Variants in CXCL8 observed in about 807,000 individuals in gnomAD.
CXCL8 encodes the protein interleukin-8.
A neutral mutation model predicts 10.9 loss-of-function variants in CXCL8; 12 were observed. That is an observed-to-expected ratio of 1.10 (90% CI 0.71 to 1.79). The LOEUF is 1.79. CXCL8 is among the 40% of genes most tolerant of loss of function. The pLI, the probability that CXCL8 is intolerant of heterozygous loss-of-function variation, is 0.00. For missense variants in CXCL8, 145 were observed against 113.4 expected, an observed-to-expected ratio of 1.28 and a Z score of -1.26; for synonymous variants, 41 against 39.6, an observed-to-expected ratio of 1.03 and a Z score of -0.13.
Position 73,743,327 on chromosome 4 carries a change from A to T in CXCL8, c.*863A>T. 4.7e-6 allele frequency: 1 copy of T among 214,920 alleles called. No individual in the cohort carries two copies. The highest frequency in any genetic ancestry group is 1.5e-3 in the Middle Eastern group (1 of 666). 13.3% of individuals were successfully genotyped at this position (214,920 alleles called of 1,614,324 possible). On this transcript the variant is annotated 3_prime_UTR_variant, in exon 4 of 4. Transcript: ENST00000307407. ...ACCCAGTTAAATTTTCATTTCAGAT[A>T]AACAACAAATAATTTTTTAGTATAA...
chr4:73,742,651 A>G lies in CXCL8; in HGVS notation c.*187A>G. On this transcript the variant is annotated 3_prime_UTR_variant, in exon 4 of 4. Transcript: ENST00000307407. ...TTTTTCATTGTACCATGAAATATCC[A>G]GAACATACTTATATGTAAAGTATTA... The G allele has an allele frequency of 2.4e-6, 1 of 423,086 alleles. No homozygotes were observed. Among genetic ancestry groups the G allele is most frequent in the East Asian group, 3.6e-5 (1 of 27,828 alleles). 26.2% of individuals were successfully genotyped at this position (423,086 alleles called of 1,614,324 possible).
rs1729142040 is a variant in CXCL8 at position 73,740,581 on chromosome 4, A to G, written c.-78A>G. On this transcript the variant is annotated 5_prime_UTR_variant, in exon 1 of 4. Transcript: ENST00000307407. Reference sequence around the variant, plus strand: ...CACTCCATAAGGCACAAACTTTCAGAGACAGCAGAGCACACAAGCTTCTAG... The same window carrying G: ...CACTCCATAAGGCACAAACTTTCAGGGACAGCAGAGCACACAAGCTTCTAG... The G allele has an allele frequency of 1.5e-6, 2 of 1,327,176 alleles. No homozygotes were observed. Among genetic ancestry groups the G allele is most frequent in the South Asian group, 1.2e-5 (1 of 81,462 alleles). 82.2% of individuals were successfully genotyped at this position (1,327,176 alleles called of 1,614,324 possible).
rs2227545 is a variant in CXCL8, at chr4:73,743,010, A to C, written c.*546A>C. 0.021 allele frequency: 4,854 copies of C among 230,668 alleles called. 154 individuals carry two copies. Among genetic ancestry groups the C allele is most frequent in the African/African-American group, 0.08 (3,614 of 45,326 alleles). 14.3% of individuals were successfully genotyped at this position (230,668 alleles called of 1,614,324 possible). On this transcript the variant is annotated 3_prime_UTR_variant, in exon 4 of 4. Coordinates refer to ENST00000307407, the MANE Select transcript of CXCL8 (RefSeq NM_000584.4). ...TCCTTTATTTCTAAGTGGAAAAAGT[A>C]TTAGCCACCATCTTACCTCACAGTG...
At chr4:73,741,815 T>A in intron 2 of CXCL8, 134 bp from the exon 3 acceptor site, 1 of 1,067,770 alleles carries the variant, frequency 9.4e-7, no homozygotes, top group Non-Finnish European at 1.4e-6. Context: ...TTTGTCTACA[T>A]GACATTTAAA....
In CXCL8 at chr4:73,743,447, T is replaced by C; in HGVS notation, c.*983T>C. 4.9e-6 allele frequency: 1 copy of C among 204,242 alleles called. No homozygotes were observed. Among genetic ancestry groups the C allele is most frequent in the East Asian group, 7.8e-5 (1 of 12,836 alleles). The allele number at this position is 204,242 out of a possible 1,614,324, so 12.7% of individuals were successfully genotyped here. On this transcript the variant is annotated 3_prime_UTR_variant, in exon 4 of 4. Transcript: ENST00000307407. ...TGCCAGCTGTGTTGGTAGTGCTGTG[T>C]TGAATTACGGAATAATGAGTTAGAA...
rs562011799 is a variant in CXCL8 at position 73,740,847 on chromosome 4, C to T, written c.64+125C>T. The stretch of plus-strand genomic sequence containing the variant: ...ATTCAGAAACAGAATATAATCTTAG[C>T]AGTCAATTAATGTTAAATTGAAGAT... On this transcript the variant is annotated intron_variant, in intron 1 of 3. Coordinates refer to ENST00000307407, the MANE Select transcript of CXCL8 (RefSeq NM_000584.4). 8.1e-6 allele frequency: 6 copies of T among 740,898 alleles called. No homozygotes were observed. In the African/African-American group the frequency reaches 9.1e-5, roughly 11 times the overall value. The allele number at this position is 740,898 out of a possible 1,614,324, so 45.9% of individuals were successfully genotyped here. A position where few individuals can be genotyped will look rare whatever the true frequency, so the allele number is the denominator to read the frequency against.
intron 2 of CXCL8, 65 bp downstream of exon 2, chr4:73,741,742 T>C: frequency 6.8e-7 from 1 of 1,468,960 alleles, no homozygotes; most frequent in Non-Finnish European, 9.4e-7. Flanking sequence ...AAGGTGGAAA[T>C]ATTTAGGAAA....
chr4:73,742,189 T>C (rs1203778111), intron 3 of CXCL8, 157 bp downstream of exon 3: 25 of 597,918 alleles, frequency 4.2e-5, no homozygotes, highest in Non-Finnish European at 5.9e-5. Context: ...GAGTTTGTTG[T>C]ACTCATGACC....
At chr4:73,742,098 T>A in intron 3 of CXCL8, 66 bp downstream of exon 3, 1 of 979,038 alleles carries the variant, frequency 1.0e-6, no homozygotes, top group Admixed American at 2.7e-5. Context: ...AAAGTCAGCC[T>A]ATAAATTTCT....
At position 73,741,560 on chromosome 4, in the gene CXCL8, G is replaced by A; in HGVS notation, c.83G>A (p.Ser28Asn). The A allele has an allele frequency of 6.2e-7, 1 of 1,613,328 alleles. No homozygotes were observed. Among genetic ancestry groups the A allele is most frequent in the Admixed American group, 1.7e-5 (1 of 59,846 alleles). Residue 28 changes from serine to asparagine, a missense_variant, in exon 2 of 4, where the codon AGT becomes AAT. Coordinates refer to ENST00000307407, the MANE Select transcript of CXCL8 (RefSeq NM_000584.4). ...CCAACAGGTGCAGTTTTGCCAAGGA[G>A]TGCTAAAGAACTTAGATGTCAGTGC... is the stretch of plus-strand genomic sequence containing the variant. ...ALCEGAVLPR[S>N]AKELRCQCIK... is the part of the protein sequence containing the mutation.
At position 73,742,699 on chromosome 4, in the gene CXCL8, A is replaced by T. The variant is rs201232993; in HGVS notation, c.*235A>T. On this transcript the variant is annotated 3_prime_UTR_variant, in exon 4 of 4. Transcript: ENST00000307407. ...TTATTTATTTGAATCTACAAAAAAC[A>T]ACAAATAATTTTTAAATATAAGGAT... 197 of 358,230 alleles carry T rather than the reference A, an allele frequency of 5.5e-4. No homozygotes were observed. Among genetic ancestry groups the T allele is most frequent in the African/African-American group, 3.9e-3 (185 of 47,800 alleles). 22.2% of individuals were successfully genotyped at this position (358,230 alleles called of 1,614,324 possible). A position where few individuals can be genotyped will look rare whatever the true frequency, so the allele number is the denominator to read the frequency against.
At chr4:73,742,413 A>G (rs1051026772) in intron 3 of CXCL8, 36 bp from the exon 4 acceptor site, 2 of 1,065,820 alleles carry the variant, frequency 1.9e-6, no homozygotes, top group South Asian at 2.9e-5. Context: ...TTCTTATTAA[A>G]CATAGCTCAT....
chr4:73,741,810 C>CT, intron 2 of CXCL8, 133 bp downstream of exon 2: 1 of 1,056,844 alleles, frequency 9.5e-7, no homozygotes, highest in Non-Finnish European at 1.4e-6. Flanking sequence ...AAATATTTGT[C>CT]TACATGACAT....
Position 73,742,460 on chromosome 4 carries a change from C to A in CXCL8, c.296C>A (p.Ser99Ter). 1 of 1,446,326 alleles carries A rather than the reference C, an allele frequency of 6.9e-7. No individual in the cohort carries two copies. The highest frequency in any genetic ancestry group is 9.6e-7 in the Non-Finnish European group (1 of 1,043,556). 89.6% of individuals were successfully genotyped at this position (1,446,326 alleles called of 1,614,324 possible). A position where few individuals can be genotyped will look rare whatever the true frequency, so the allele number is the denominator to read the frequency against. The change falls in exon 4 of 4, where the codon TCA becomes TAA. Residue 99 changes from serine to a stop codon, truncating the protein, a stop_gained. Transcript: ENST00000307407. LOFTEE classifies it high-confidence loss of function. ...VEKFLKRAEN[S>*] ...TAATTTTATTTTAGGGCTGAGAATT[C>A]ATAAAAAAATTCATTCTCTGTGGTA...
chr4:73,742,281 C>T, intron 3 of CXCL8, 168 bp from the exon 4 acceptor site: 1 of 581,880 alleles, frequency 1.7e-6, no homozygotes, highest in Non-Finnish European at 3.1e-6. Flanking sequence ...TTTGTCACTC[C>T]CAGTAGTGTC....
rs1462435921 is a variant in CXCL8 at position 73,742,561 on chromosome 4, T to C, written c.*97T>C. The C allele has an allele frequency of 1.6e-6, 1 of 628,994 alleles. No homozygotes were observed. The highest frequency in any genetic ancestry group is 1.9e-5 in the African/African-American group (1 of 52,562). 39.0% of individuals were successfully genotyped at this position (628,994 alleles called of 1,614,324 possible). On this transcript the variant is annotated 3_prime_UTR_variant, in exon 4 of 4. Transcript: ENST00000307407. ...CACTTCATGTATTGTGTGGGTCTGT[T>C]GTAGGGTTGCCAGATGCAATACAAG... is the stretch of plus-strand genomic sequence containing the variant.
rs899793148 is a variant in CXCL8 at position 73,743,634 on chromosome 4, CA to C, written c.*1173del. ...CTTTAAGATGTTTTTATGTGCTCTC[CA>C]AATTTTTTTTACTGTTTCTGATTGT... On this transcript the variant is annotated 3_prime_UTR_variant, in exon 4 of 4. Coordinates refer to ENST00000307407, the MANE Select transcript of CXCL8 (RefSeq NM_000584.4). 2.0e-5 allele frequency: 4 copies of C among 201,594 alleles called. No homozygotes were observed. In the Admixed American group the frequency reaches 2.4e-4, roughly 12 times the overall value. The allele number at this position is 201,594 out of a possible 1,614,324, so 12.5% of individuals were successfully genotyped here.
At position 73,740,572 on chromosome 4, in the gene CXCL8, A is replaced by G; in HGVS notation, c.-87A>G. On this transcript the variant is annotated 5_prime_UTR_variant, in exon 1 of 4. Coordinates refer to ENST00000307407, the MANE Select transcript of CXCL8 (RefSeq NM_000584.4). ...CCACCGGAGCACTCCATAAGGCACA[A>G]ACTTTCAGAGACAGCAGAGCACACA... is the stretch of plus-strand genomic sequence containing the variant. 1 of 1,244,180 alleles carries G rather than the reference A, an allele frequency of 8.0e-7. No homozygotes were observed. Among genetic ancestry groups the G allele is most frequent in the Admixed American group, 2.0e-5 (1 of 50,778 alleles). The allele number at this position is 1,244,180 out of a possible 1,614,324, so 77.1% of individuals were successfully genotyped here. A position where few individuals can be genotyped will look rare whatever the true frequency, so the allele number is the denominator to read the frequency against.
chr4:73,742,013 G>T lies in CXCL8; in HGVS notation c.265G>T (p.Val89Leu). ...CAAGGAAAACTGGGTGCAGAGGGTT[G>T]TGGAGAAGTTTTTGAAGAGGTAAGT... ...DPKENWVQRV[V>L]EKFLKRAENS Residue 89 changes from valine to leucine, a missense_variant, in exon 3 of 4, where the codon GTG becomes TTG. Physicochemically the swap from Val to Leu is conservative, Grantham distance 32. Transcript: ENST00000307407. The T allele has an allele frequency of 1.2e-6, 2 of 1,606,432 alleles. No individual in the cohort carries two copies. The highest frequency in any genetic ancestry group is 1.7e-6 in the Non-Finnish European group (2 of 1,174,736).
Sources: allele counts gnomAD v4.1 joint callset, GRCh38; gene constraint gnomAD v4.1.1; transcripts MANE v1.5; gene names NCBI Gene and HGNC (gene_info 2026-07-23, HGNC 2026-07-21).